Variants in EFR3A observed in about 807,000 individuals in gnomAD.
EFR3A encodes protein EFR3 homolog A.
A neutral mutation model predicts 104.4 loss-of-function variants in EFR3A; 76 were observed. The observed-to-expected ratio is 0.73, with a 90% confidence interval of 0.60 to 0.88. EFR3A has a LOEUF of 0.88. EFR3A is among the 40% of genes least tolerant of loss of function. EFR3A has a pLI of 0.00. For missense variants in EFR3A, 985 were observed against 1,012.5 expected, an observed-to-expected ratio of 0.97 and a Z score of 0.37; for synonymous variants, 330 against 330.0, an observed-to-expected ratio of 1.00 and a Z score of 0.00.
intron 1 of EFR3A, among the ~76,000 whole-genome samples, chr8:131,915,373 C>T (rs1816698100): frequency 6.6e-6 from 1 of 152,142 alleles, no homozygotes; most frequent in Non-Finnish European, 1.5e-5. Context: ...GTCATAGGTA[C>T]TGTCAGTATG....
chr8:131,988,084 T>G (rs572978571), intron 18 of EFR3A, among the ~76,000 whole-genome samples: 51 of 152,214 alleles, frequency 3.4e-4, no homozygotes, highest in Non-Finnish European at 7.1e-4. Flanking sequence ...ATTAGGCAAC[T>G]TTCGTTATTT....
chr8:131,961,668 A>G (rs895946209), intron 8 of EFR3A, among the ~76,000 whole-genome samples: 1 of 152,228 alleles, frequency 6.6e-6, no homozygotes, highest in African/African-American at 2.4e-5. Flanking sequence ...TCCCCAATCT[A>G]GCAAGGCAGG....
chr8:131,944,407 A>G (rs1818318248), intron 2 of EFR3A, among the ~76,000 whole-genome samples: 1 of 152,104 alleles, frequency 6.6e-6, no homozygotes, highest in Non-Finnish European at 1.5e-5. Flanking sequence ...AACATTTCAC[A>G]TTTTTAAACT....
At position 131,966,214 on chromosome 8, in the gene EFR3A, A is replaced by G. The variant is rs184120903; in HGVS notation, c.856-2081A>G. Among the ~76,000 whole-genome samples, 165 of 152,014 alleles carry G rather than the reference A, an allele frequency of 1.1e-3. 5 individuals carry two copies. The East Asian group carries it at 0.024, about 22-fold the overall frequency. The stretch of plus-strand genomic sequence containing the variant: ...ACCCTAAAACTTAAAGTTTAATAAA[A>G]AAATAAATAAATAAAAAGCAACAAA... On this transcript the variant is annotated intron_variant, in intron 8 of 22. Transcript: ENST00000254624.
At chr8:131,971,578 C>T (rs565856996) in intron 10 of EFR3A, among the ~76,000 whole-genome samples, 119 of 151,798 alleles carry the variant, frequency 7.8e-4, no homozygotes, top group Non-Finnish European at 1.8e-4. Flanking sequence ...GTCCCAGCTA[C>T]GCGGGAGGCT....
intron 14 of EFR3A, 140 bp downstream of exon 14, chr8:131,979,561 C>T: frequency 1.7e-6 from 1 of 595,366 alleles, no homozygotes; most frequent in Non-Finnish European, 3.0e-6. Flanking sequence ...CCATCTTCAG[C>T]CTCCCTCAAG....
At chr8:131,986,344 T>A in intron 17 of EFR3A, 83 bp downstream of exon 17, 2 of 639,848 alleles carry the variant, frequency 3.1e-6, no homozygotes, top group Non-Finnish European at 5.3e-6. Context: ...TAAATATTGT[T>A]ACAATAATTC....
chr8:131,990,954 T>G (rs1821151919), intron 18 of EFR3A, among the ~76,000 whole-genome samples: 1 of 152,108 alleles, frequency 6.6e-6, no homozygotes, highest in Admixed American at 6.6e-5. Context: ...TTGTGTGTGT[T>G]TTGTTTTTCT....
intron 12 of EFR3A, among the ~76,000 whole-genome samples, chr8:131,978,635 G>A (rs1586641180): frequency 6.6e-6 from 1 of 152,100 alleles, no homozygotes; most frequent in Non-Finnish European, 1.5e-5. Flanking sequence ...CATGGTAAAT[G>A]TGTGCTATTA....
At chr8:132,006,313 C>T (rs968264793) in intron 22 of EFR3A, among the ~76,000 whole-genome samples, 3 of 151,884 alleles carry the variant, frequency 2.0e-5, no homozygotes, top group African/African-American at 7.3e-5. Context: ...ATTGGTAAAC[C>T]TCTGGTCAGT....
In EFR3A at chr8:131,917,962, ATGT is replaced by A. The variant is rs1816824073; in HGVS notation, c.10+13644_10+13646del. 5.3e-5 allele frequency among the ~76,000 whole-genome samples: 8 copies of A among 152,296 alleles called. No individual in the cohort carries two copies. In the South Asian group the frequency reaches 1.2e-3, roughly 24 times the overall value. Reference sequence around the variant, plus strand: ...TGATTAACATAAAAATACCTTGTTAATGTTGTGACCACAGTGTGTGTTTGTGAT... The same window carrying A: ...TGATTAACATAAAAATACCTTGTTAATGTGACCACAGTGTGTGTTTGTGAT... On this transcript the variant is annotated intron_variant, in intron 1 of 22. Transcript: ENST00000254624.
chr8:131,949,361 T>C lies in EFR3A; in HGVS notation c.367-608T>C, dbSNP rs189635038. On this transcript the variant is annotated intron_variant, in intron 4 of 22. Coordinates refer to ENST00000254624, the MANE Select transcript of EFR3A (RefSeq NM_015137.6). ...CACAGTGAAGTAATGCTGTATATAA[T>C]AGGAGGATTCAATCTTAGGCCTTTC... 4.0e-3 allele frequency among the ~76,000 whole-genome samples: 603 copies of C among 152,276 alleles called. 2 individuals carry two copies. Among genetic ancestry groups the C allele is most frequent in the Non-Finnish European group, 5.9e-3 (404 of 68,004 alleles).
chr8:131,965,227 A>T (rs529511172), intron 8 of EFR3A, among the ~76,000 whole-genome samples: 3 of 152,314 alleles, frequency 2.0e-5, no homozygotes, highest in East Asian at 3.9e-4. Flanking sequence ...GGATCTAATT[A>T]AACTAAAGAG....
At chr8:131,996,362 TA>T in intron 18 of EFR3A, 43 bp from the exon 19 acceptor site, 2 of 1,213,962 alleles carry the variant, frequency 1.6e-6, no homozygotes, top group Non-Finnish European at 1.1e-6. Context: ...AAAACCAACA[TA>T]ACATTTCTAG....
In EFR3A at chr8:131,940,537, A is replaced by G. The variant is rs746826021; in HGVS notation, c.49A>G (p.Lys17Glu). ...CTGTTCCGCTTTGCGTCCTCGCTAC[A>G]AACGCCTGGTGGACAACATATTCCC... The part of the protein sequence containing the change: ...CCCSALRPRY[K>E]RLVDNIFPED... Residue 17 changes from lysine (K) to glutamate (E), a missense_variant, in exon 2 of 23, where the codon AAA becomes GAA. Lys to Glu is a moderately conservative substitution (Grantham distance 56). Transcript: ENST00000254624. 5.6e-6 allele frequency: 9 copies of G among 1,608,880 alleles called. No homozygotes were observed. In the South Asian group the frequency reaches 7.8e-5, roughly 14 times the overall value.
intron 17 of EFR3A, 87 bp downstream of exon 17, chr8:131,986,348 A>G (rs149325185): frequency 9.6e-4 from 597 of 621,172 alleles, no homozygotes; most frequent in African/African-American, 8.1e-3. Context: ...TATTGTTACA[A>G]TAATTCCTGG....
In EFR3A at chr8:131,909,485, G is replaced by A. The variant is rs189235130; in HGVS notation, c.10+5163G>A. On this transcript the variant is annotated intron_variant, in intron 1 of 22. Transcript: ENST00000254624. ...TGTTTGAGCCCAGGAGGCTGAGGCT[G>A]CAGTGAGCTATGGTCTCACTACTAT... Among the ~76,000 whole-genome samples, 96 of 152,306 alleles carry A rather than the reference G, an allele frequency of 6.3e-4. 2 individuals are homozygous for A. The highest frequency in any genetic ancestry group is 4.4e-3 in the Admixed American group (67 of 15,308).
At chr8:131,936,705 A>C (rs554563207) in intron 1 of EFR3A, among the ~76,000 whole-genome samples, 79 of 152,108 alleles carry the variant, frequency 5.2e-4, no homozygotes, top group Admixed American at 1.1e-3. Context: ...TACATTTACC[A>C]GTTTATTATA....
chr8:131,998,953 A>G (rs1217349040), intron 19 of EFR3A, among the ~76,000 whole-genome samples: 2 of 152,090 alleles, frequency 1.3e-5, no homozygotes, highest in Non-Finnish European at 2.9e-5. Flanking sequence ...AATGACTAAA[A>G]TAGAACAGAG....
Sources: allele counts gnomAD v4.1 joint callset (sites outside exome capture counted in the v4.1 genomes callset), GRCh38; gene constraint gnomAD v4.1.1; transcripts MANE v1.5; gene names NCBI Gene and HGNC (gene_info 2026-07-23, HGNC 2026-07-21).